Variants in CRTAC1 observed in about 807,000 individuals in gnomAD.
CRTAC1 encodes the protein cartilage acidic protein 1.
Under a neutral mutation model 67.8 loss-of-function variants are expected in CRTAC1, and 37 were observed. That is an observed-to-expected ratio of 0.55 (90% CI 0.42 to 0.72). CRTAC1 has a LOEUF of 0.72. Ranked by LOEUF, CRTAC1 falls within the 30% of genes least tolerant of loss-of-function variation. CRTAC1 has a pLI of 0.00. For synonymous variants in CRTAC1, 348 were observed against 371.0 expected (o/e 0.94, Z 0.71); for missense variants, 780 against 931.6 (o/e 0.84, Z 2.12).
At chr10:97,923,428 G>C (rs1338043870) in intron 3 of CRTAC1, 28 bp from the exon 4 acceptor site, 2 of 1,613,852 alleles carry the variant, frequency 1.2e-6, no homozygotes, top group African/African-American at 2.7e-5. Context: ...GGGAGGGCTG[G>C]TGGACAGTGG....
intron 14 of CRTAC1, among the ~76,000 whole-genome samples, chr10:97,873,813 T>G (rs1440709430): frequency 1.3e-5 from 2 of 152,158 alleles, no homozygotes; most frequent in African/African-American, 4.8e-5. Context: ...TGATACAGAT[T>G]CTCCATCTGC....
Position 98,016,334 on chromosome 10 carries a change from C to T in CRTAC1, c.25-4997G>A, listed in dbSNP as rs193074538. On this transcript the variant is annotated intron_variant, in intron 1 of 14. Transcript: ENST00000370597. Reference sequence around the variant, plus strand: ...TCTGTTAATATGTGTTAAGTAAGCGCGGGAATGAGTATGTCCAATTGATAA... The same window carrying T: ...TCTGTTAATATGTGTTAAGTAAGCGTGGGAATGAGTATGTCCAATTGATAA... 3.9e-5 allele frequency among the ~76,000 whole-genome samples: 6 copies of T among 152,222 alleles called. No homozygotes were observed. In the East Asian group the frequency reaches 9.7e-4, roughly 24 times the overall value.
In CRTAC1 at chr10:97,884,363, A is replaced by C. The variant is rs199743870; in HGVS notation, c.1487-12T>G. On this transcript the variant is annotated splice_polypyrimidine_tract_variant and intron_variant, in intron 11 of 14. Transcript: ENST00000370597. ...GGCTTCATCCTTCCCTGAGGGGCAG[A>C]AGGAGAGAGCATCAGCAGCAGAGGA... 63 of 1,550,710 alleles carry C rather than the reference A, an allele frequency of 4.1e-5. No homozygotes were observed. The highest frequency in any genetic ancestry group is 8.7e-7 in the Non-Finnish European group (1 of 1,146,804).
intron 13 of CRTAC1, among the ~76,000 whole-genome samples, chr10:97,881,979 C>T (rs1258715024): frequency 1.3e-5 from 2 of 152,196 alleles, no homozygotes; most frequent in Non-Finnish European, 1.5e-5. Context: ...CCATCTGGGC[C>T]CTGATCACAC....
At chr10:97,947,971 G>A (rs1234182408) in intron 2 of CRTAC1, among the ~76,000 whole-genome samples, 1 of 152,110 alleles carries the variant, frequency 6.6e-6, no homozygotes, top group African/African-American at 2.4e-5. Flanking sequence ...AGGATTCCGT[G>A]CAGGGTATAC....
intron 11 of CRTAC1, among the ~76,000 whole-genome samples, chr10:97,891,473 A>G (rs2050372944): frequency 6.6e-6 from 1 of 152,238 alleles, no homozygotes; most frequent in Admixed American, 6.5e-5. Flanking sequence ...TGCCCAGAAC[A>G]AAACTGATTT....
intron 2 of CRTAC1, among the ~76,000 whole-genome samples, chr10:98,003,627 C>T (rs1268116862): frequency 6.6e-6 from 1 of 152,206 alleles, no homozygotes; most frequent in Non-Finnish European, 1.5e-5. Context: ...AGAATATTCT[C>T]CCCATTCCAA....
intron 1 of CRTAC1, among the ~76,000 whole-genome samples, chr10:98,014,026 T>C (rs575053730): frequency 3.3e-5 from 5 of 152,332 alleles, no homozygotes; most frequent in African/African-American, 1.2e-4. Context: ...TCAGTACCAG[T>C]TGAAAAGTCA....
At chr10:97,917,678 A>G (rs1457614346) in intron 4 of CRTAC1, 22 bp from the exon 5 acceptor site, 3 of 1,518,742 alleles carry the variant, frequency 2.0e-6, no homozygotes, top group African/African-American at 1.4e-5. Context: ...GGGAAGGGAG[A>G]GGTGAGCAGG....
At chr10:97,913,527 T>C (rs1220285052) in intron 5 of CRTAC1, among the ~76,000 whole-genome samples, 1 of 152,196 alleles carries the variant, frequency 6.6e-6, no homozygotes, top group Non-Finnish European at 1.5e-5. Context: ...AAATCTCTTG[T>C]GTTGAGAAAA....
chr10:97,947,601 A>G (rs1478285976), intron 2 of CRTAC1, among the ~76,000 whole-genome samples: 1 of 152,254 alleles, frequency 6.6e-6, no homozygotes, highest in African/African-American at 2.4e-5. Context: ...TATGCAAAGC[A>G]TTCCCCAAAT....
At chr10:98,020,641 A>G (rs1843097667) in intron 1 of CRTAC1, among the ~76,000 whole-genome samples, 1 of 152,274 alleles carries the variant, frequency 6.6e-6, no homozygotes. Context: ...GGGAAGGCCT[A>G]AGAGGCAACG....
chr10:98,019,364 G>A (rs1843071308), intron 1 of CRTAC1, among the ~76,000 whole-genome samples: 1 of 152,154 alleles, frequency 6.6e-6, no homozygotes, highest in African/African-American at 2.4e-5. Context: ...TCTCCACCAC[G>A]GCGATTTTGC....
At chr10:98,023,573 C>G (rs7909906) in intron 1 of CRTAC1, among the ~76,000 whole-genome samples, 9,216 of 152,248 alleles carry the variant, frequency 0.061, 934 homozygotes, top group African/African-American at 0.2. Context: ...TGGATATACA[C>G]AGCTTCTCAG....
Position 97,917,617 on chromosome 10 carries a change from A to G in CRTAC1, c.598T>C (p.Tyr200His). 1.3e-6 allele frequency: 2 copies of G among 1,598,226 alleles called. No individual in the cohort carries two copies. Among genetic ancestry groups the G allele is most frequent in the Non-Finnish European group, 1.7e-6 (2 of 1,170,300 alleles). The change falls in exon 5 of 15, where the codon TAC becomes CAC. Residue 200 changes from tyrosine to histidine, a missense_variant. By Grantham distance (83) the Tyr-to-His change is moderately conservative. Transcript: ENST00000370597. ...RYSIYIANYAYGNVGPDALIE... is the reference protein window; with the variant it reads ...RYSIYIANYAHGNVGPDALIE... Reference sequence around the variant, plus strand: ...AGGGCATCAGGGCCCACATTACCGTAGGCGTAATTGGCAATGTAGATAGAG... The same window carrying G: ...AGGGCATCAGGGCCCACATTACCGTGGGCGTAATTGGCAATGTAGATAGAG...
intron 4 of CRTAC1, among the ~76,000 whole-genome samples, chr10:97,922,460 C>T (rs1590211068): frequency 6.6e-6 from 1 of 152,204 alleles, no homozygotes; most frequent in African/African-American, 2.4e-5. Flanking sequence ...CCTGTGGCAG[C>T]CGGGCAGCAG....
intron 2 of CRTAC1, among the ~76,000 whole-genome samples, chr10:97,961,709 C>G (rs7069882): frequency 0.38 from 57,684 of 152,020 alleles, 11,220 homozygotes; most frequent in Non-Finnish European, 0.43. Flanking sequence ...GAAGAGAATT[C>G]TGGACTCAAT....
At chr10:97,912,342 G>C (rs1459470475) in intron 5 of CRTAC1, among the ~76,000 whole-genome samples, 1 of 152,124 alleles carries the variant, frequency 6.6e-6, no homozygotes, top group South Asian at 2.1e-4. Flanking sequence ...GAAGGCTTCT[G>C]CTCACCCTGC....
intron 14 of CRTAC1, 163 bp from the exon 15 acceptor site, chr10:97,865,877 CT>C: frequency 3.8e-6 from 4 of 1,048,258 alleles, no homozygotes; most frequent in Admixed American, 5.8e-5. Context: ...CCTATGCCCC[CT>C]GTCCCTCACC....
Sources: gnomAD v4.1 joint callset for allele counts (sites outside exome capture counted in the v4.1 genomes callset) on GRCh38, gnomAD v4.1.1 for gene constraint, MANE v1.5 for transcripts, NCBI Gene and HGNC (gene_info 2026-07-23, HGNC 2026-07-21) for gene names.